The following ANK1 variants were observed in gnomAD, a reference collection of about 807,000 sequenced individuals.
ANK1 encodes the protein ankyrin-1.
In ANK1, 51 loss-of-function variants were observed where a neutral mutation model predicts 210.4. That is an observed-to-expected ratio of 0.24 (90% CI 0.19 to 0.31). The LOEUF is 0.31. Among genes scored for constraint, ANK1 ranks in the 10% least tolerant of loss-of-function variants. The pLI is 1.00. For synonymous variants in ANK1, 967 were observed against 1,025.9 expected (o/e 0.94, Z 1.10); for missense variants, 2,051 against 2,504.4 (o/e 0.82, Z 3.86).
chr8:41,662,077 T>C (rs767551360), intron 40 of ANK1, 136 bp from the exon 41 acceptor site: 6 of 1,148,814 alleles, frequency 5.2e-6, no homozygotes, highest in Non-Finnish European at 7.5e-6. Flanking sequence ...GCCAACATGG[T>C]GAAACCCTGT....
intron 37 of ANK1, among the ~76,000 whole-genome samples, chr8:41,677,294 C>T (rs1437250514): frequency 4.6e-5 from 7 of 152,086 alleles, no homozygotes; most frequent in Admixed American, 1.3e-4. Context: ...TTTCAAATCA[C>T]CAGCTTTTGG....
intron 2 of ANK1, among the ~76,000 whole-genome samples, chr8:41,757,794 A>G (rs1839505513): frequency 6.6e-6 from 1 of 152,242 alleles, no homozygotes; most frequent in Non-Finnish European, 1.5e-5. Context: ...CTAAGCGAGG[A>G]GACCGCAGGG....
Position 41,715,642 on chromosome 8 carries a change from G to C in ANK1, c.1602+10C>G, listed in dbSNP as rs751305919. 6.2e-7 allele frequency: 1 copy of C among 1,612,678 alleles called. No individual in the cohort carries two copies. Among genetic ancestry groups the C allele is most frequent in the East Asian group, 2.2e-5 (1 of 44,882 alleles). On this transcript the variant is annotated intron_variant, in intron 14 of 42. Transcript: ENST00000289734. The stretch of plus-strand genomic sequence containing the variant: ...GTTGCTTCCTTAGACCACGAGGCGG[G>C]AGGCTGTACCTTGGTCATGCAGGCC...
In ANK1 at chr8:41,890,878, A is replaced by C. The variant is rs556867482; in HGVS notation, c.126+5477T>G. On this transcript the variant is annotated intron_variant, in intron 1 of 42. Transcript: ENST00000265709. The stretch of plus-strand genomic sequence containing the variant: ...TCAAAAAGAACAACTAAGAAAAAAA[A>C]CCTGTACTAGTTAAATGTAGCTTTT... Among the ~76,000 whole-genome samples, 17 of 152,276 alleles carry C rather than the reference A, an allele frequency of 1.1e-4. No individual in the cohort carries two copies. In the East Asian group the frequency reaches 1.7e-3, roughly 16 times the overall value.
chr8:41,656,175 T>G (rs1389427739), intron 42 of ANK1, among the ~76,000 whole-genome samples: 1 of 152,258 alleles, frequency 6.6e-6, no homozygotes, highest in South Asian at 2.1e-4. Flanking sequence ...CCAGGGCTTG[T>G]GCCAAGAAGG....
intron 39 of ANK1, among the ~76,000 whole-genome samples, chr8:41,664,553 C>T (rs989408394): frequency 6.6e-6 from 1 of 152,062 alleles, no homozygotes; most frequent in South Asian, 2.1e-4. Context: ...ACAGGATGAG[C>T]GCAGCCTCCC....
intron 2 of ANK1, among the ~76,000 whole-genome samples, chr8:41,752,588 G>T (rs1309293795): frequency 6.6e-6 from 1 of 152,068 alleles, no homozygotes; most frequent in Non-Finnish European, 1.5e-5. Flanking sequence ...TCCACACACC[G>T]GTCTGCTCCC....
chr8:41,727,421 C>G (rs1033285817), intron 4 of ANK1, 73 bp from the exon 5 acceptor site: 2 of 1,082,706 alleles, frequency 1.8e-6, no homozygotes, highest in Non-Finnish European at 2.8e-6. Flanking sequence ...ACAACGTCCT[C>G]TCACCTGGAG....
rs1156259930 is a variant in ANK1 at position 41,831,548 on chromosome 8, T to G, written c.126+64807A>C. Among the ~76,000 whole-genome samples the G allele has an allele frequency of 1.1e-4, 17 of 147,948 alleles. No individual in the cohort carries two copies. The East Asian group carries it at 3.4e-3, about 29-fold the overall frequency. On this transcript the variant is annotated intron_variant, in intron 1 of 42. Transcript: ENST00000265709. ...CTGTAGTTCCAGCTACTCGGGAAAC[T>G]GAGGCAGAAGGATTGCTTGAACCCA...
chr8:41,791,254 C>A (rs112213611), intron 1 of ANK1, among the ~76,000 whole-genome samples: 11,889 of 136,238 alleles, frequency 0.087, 730 homozygotes, highest in African/African-American at 0.17. Flanking sequence ...TCACTGCAAC[C>A]TCCGCCTCCT....
intron 24 of ANK1, 41 bp from the exon 25 acceptor site, chr8:41,696,814 G>C (rs148876153): frequency 5.1e-5 from 79 of 1,557,850 alleles, no homozygotes; most frequent in Non-Finnish European, 5.2e-6. Flanking sequence ...ACCTCCTCCC[G>C]GGCCAGCTGG....
rs1811240686 is a variant in ANK1 at position 41,668,451 on chromosome 8, G to A, written c.5210C>T (p.Thr1737Ile). ...ACCGGGCTCTAGCCCTTCAGTCATG[G>A]TACTTGTTCCCTGGAATGAGTGTGG... ...QGPHSFQGTS[T>I]MTEGLEPGGS... The change falls in exon 39 of 43, where the codon ACC becomes ATC. Residue 1737 changes from threonine to isoleucine, a missense_variant. Physicochemically the swap from Thr to Ile is moderately conservative, Grantham distance 89. Transcript: ENST00000289734. 10 of 1,614,230 alleles carry A rather than the reference G, an allele frequency of 6.2e-6. No individual in the cohort carries two copies. Among genetic ancestry groups the A allele is most frequent in the South Asian group, 1.1e-5 (1 of 91,088 alleles).
Position 41,723,215 on chromosome 8 carries a change from C to A in ANK1, c.819G>T (p.Leu273Phe). 1 of 1,614,068 alleles carries A rather than the reference C, an allele frequency of 6.2e-7. No individual in the cohort carries two copies. The highest frequency in any genetic ancestry group is 1.1e-5 in the South Asian group (1 of 91,074). The change falls in exon 9 of 43, where the codon TTG becomes TTT. Residue 273 changes from leucine (L) to phenylalanine (F), a missense_variant. Transcript: ENST00000289734. ...TTCGAGCTGCACAGTGGAGAGGTGT[C>A]AATTCGTCCTTTAAAAGACAGAGTC... Reference protein sequence around the residue: ...AQIETKTKDELTPLHCAARNG... With the variant: ...AQIETKTKDEFTPLHCAARNG...
At chr8:41,733,922 C>A in intron 3 of ANK1, 49 bp downstream of exon 3, 6 of 1,529,272 alleles carry the variant, frequency 3.9e-6, no homozygotes, top group Non-Finnish European at 4.5e-6. Context: ...GAAGGACTCA[C>A]AAACTTGAAT....
intron 1 of ANK1, among the ~76,000 whole-genome samples, chr8:41,830,497 C>A (rs755846789): frequency 2.0e-5 from 3 of 151,958 alleles, no homozygotes; most frequent in Non-Finnish European, 2.9e-5. Flanking sequence ...ACCTACATAA[C>A]AATGACAGCA....
intron 2 of ANK1, among the ~76,000 whole-genome samples, chr8:41,753,039 C>A (rs1308896631): frequency 6.7e-6 from 1 of 150,084 alleles, no homozygotes; most frequent in Non-Finnish European, 1.5e-5. Flanking sequence ...TCCTCCAGGT[C>A]AGTGGCCACT....
chr8:41,835,940 C>G (rs895660056), intron 1 of ANK1, among the ~76,000 whole-genome samples: 2 of 152,222 alleles, frequency 1.3e-5, no homozygotes, highest in African/African-American at 4.8e-5. Context: ...CTCCCATAGG[C>G]CCCACCAGGG....
chr8:41,765,134 T>C (rs1429589414), intron 1 of ANK1, among the ~76,000 whole-genome samples: 2 of 151,494 alleles, frequency 1.3e-5, no homozygotes, highest in Middle Eastern at 3.2e-3. Flanking sequence ...TCTCTCTCTC[T>C]CTTTCTCTCT....
rs1823946206 is a variant in ANK1, at chr8:41,704,301, G to T, written c.2196+73C>A. 3 of 1,487,260 alleles carry T rather than the reference G, an allele frequency of 2.0e-6. No homozygotes were observed. Among genetic ancestry groups the T allele is most frequent in the Admixed American group, 3.4e-5 (2 of 59,442 alleles). The allele number at this position is 1,487,260 out of a possible 1,614,324, so 92.1% of individuals were successfully genotyped here. A position where few individuals can be genotyped will look rare whatever the true frequency, so the allele number is the denominator to read the frequency against. ...TGGTCAAAACCCTAGTGCTCCCAGA[G>T]CAGCTCTGGCTTTACCCTGATGTGG... On this transcript the variant is annotated intron_variant, in intron 19 of 42. Coordinates refer to ENST00000289734, the MANE Select transcript of ANK1 (RefSeq NM_000037.4). The surrounding 1 kb of genome is among the most constrained non-coding windows in gnomAD (Gnocchi z 4.1).
Sources: allele counts gnomAD v4.1 joint callset (sites outside exome capture counted in the v4.1 genomes callset), GRCh38; gene constraint gnomAD v4.1.1; non-coding constraint Gnocchi (gnomAD v3.1); transcripts MANE v1.5; gene names NCBI Gene and HGNC (gene_info 2026-07-23, HGNC 2026-07-21).